PTGIS: variants seen among roughly 807,000 people sequenced by gnomAD.
The protein encoded by PTGIS is prostaglandin I2 synthase, also known as prostacyclin synthase.
A neutral mutation model predicts 50.3 loss-of-function variants in PTGIS; 45 were observed. That is an observed-to-expected ratio of 0.90 (90% CI 0.70 to 1.15). The LOEUF (loss-of-function observed/expected upper bound fraction) is 1.15. PTGIS is among the 50% of genes most tolerant of loss of function. The probability of loss-of-function intolerance (pLI) is 0.00; values close to 1 mark genes in which losing one functional copy is unlikely to be tolerated. For synonymous variants in PTGIS, 260 were observed against 267.7 expected, an observed-to-expected ratio of 0.97 and a Z score of 0.28; for missense variants, 668 against 661.3, an observed-to-expected ratio of 1.01 and a Z score of -0.11.
At chr20:49,541,512 A>G (rs1416502938) in intron 4 of PTGIS, among the ~76,000 whole-genome samples, 1 of 152,060 alleles carries the variant, frequency 6.6e-6, no homozygotes, top group Non-Finnish European at 1.5e-5. Context: ...TGGTTATATC[A>G]CCTGAGGTCA....
At position 49,513,142 on chromosome 20, in the gene PTGIS, G is replaced by A. The variant is rs767270070; in HGVS notation, c.1144C>T (p.Arg382Cys). 3.7e-6 allele frequency: 6 copies of A among 1,613,988 alleles called. No individual in the cohort carries two copies. The highest frequency in any genetic ancestry group is 1.7e-5 in the Admixed American group (1 of 60,002). Residue 382 changes from arginine (R) to cysteine (C), a missense_variant, in exon 8 of 10, where the codon CGC (arginine) becomes TGC (cysteine). By Grantham distance (180) the Arg-to-Cys change is radical (BLOSUM62 -3). Coordinates refer to ENST00000244043, the MANE Select transcript of PTGIS (RefSeq NM_000961.4). ...CTCAGGAAGGGGAAGAGGAGGAGGCGGTCACCACGTCGCAGGTTGAATTCT... is the reference window on the plus strand; with the variant it reads ...CTCAGGAAGGGGAAGAGGAGGAGGCAGTCACCACGTCGCAGGTTGAATTCT... ...GREFNLRRGD[R>C]LLLFPFLSPQ...
In PTGIS at chr20:49,538,022, C is replaced by T. The variant is rs186675014; in HGVS notation, c.673+1548G>A. On this transcript the variant is annotated intron_variant, in intron 5 of 9. Transcript: ENST00000244043. Reference sequence around the variant, plus strand: ...TAATCCCAACACTTTGGGAGACCAACGTGGGAGGATTGCTTGAGCCCAGGA... The same window carrying T: ...TAATCCCAACACTTTGGGAGACCAATGTGGGAGGATTGCTTGAGCCCAGGA... 2.5e-3 allele frequency among the ~76,000 whole-genome samples: 376 copies of T among 152,064 alleles called. 7 individuals carry two copies. Among genetic ancestry groups the T allele is most frequent in the African/African-American group, 5.0e-3 (207 of 41,480 alleles).
At chr20:49,523,793 G>A (rs955781893) in intron 6 of PTGIS, among the ~76,000 whole-genome samples, 5 of 152,090 alleles carry the variant, frequency 3.3e-5, no homozygotes, top group Non-Finnish European at 5.9e-5. Flanking sequence ...GAAAAAAAAA[G>A]AAAAGAATAC....
At chr20:49,553,321 G>A (rs1356154782) in intron 1 of PTGIS, among the ~76,000 whole-genome samples, 1 of 151,954 alleles carries the variant, frequency 6.6e-6, no homozygotes, top group East Asian at 1.9e-4. Context: ...GTTAAATCCT[G>A]AGTTATTGGC....
chr20:49,538,286 A>AG (rs1466880928), intron 5 of PTGIS, among the ~76,000 whole-genome samples: 2 of 146,246 alleles, frequency 1.4e-5, no homozygotes, highest in Non-Finnish European at 3.0e-5. Context: ...AAAAAAAAAA[A>AG]GGCATGCTGG....
intron 1 of PTGIS, among the ~76,000 whole-genome samples, chr20:49,567,147 A>AT (rs1342484996): frequency 2.6e-5 from 4 of 152,218 alleles, no homozygotes; most frequent in Non-Finnish European, 4.4e-5. Context: ...GGTCTTACCT[A>AT]TAACAGGATA....
At chr20:49,508,189 A>C (rs1225777495) in intron 9 of PTGIS, 125 bp from the exon 10 acceptor site, 3 of 1,149,002 alleles carry the variant, frequency 2.6e-6, no homozygotes, top group Admixed American at 3.9e-5. Context: ...TGAGGAGAGG[A>C]GTGAGGAAGT....
intron 1 of PTGIS, among the ~76,000 whole-genome samples, chr20:49,563,349 G>A (rs1982823398): frequency 6.6e-6 from 1 of 152,212 alleles, no homozygotes; most frequent in African/African-American, 2.4e-5. Context: ...TGCTACCACT[G>A]TGCATAAAAA....
chr20:49,519,643 A>T lies in PTGIS; in HGVS notation c.855+4415T>A, dbSNP rs116205759. Among the ~76,000 whole-genome samples the T allele has an allele frequency of 9.6e-3, 1,467 of 152,030 alleles. 26 individuals carry two copies. Among genetic ancestry groups the T allele is most frequent in the African/African-American group, 0.034 (1,398 of 41,456 alleles). ...AGCCTGGACCTCAAACTTGAACTCC[A>T]GACTCTCTTCTCCAGGTGTCCACTC... On this transcript the variant is annotated intron_variant, in intron 6 of 9. Coordinates refer to ENST00000244043, the MANE Select transcript of PTGIS (RefSeq NM_000961.4).
chr20:49,564,251 C>T (rs1226479233), intron 1 of PTGIS, among the ~76,000 whole-genome samples: 1 of 152,066 alleles, frequency 6.6e-6, no homozygotes, highest in Non-Finnish European at 1.5e-5. Context: ...AATATCATGA[C>T]ATCTAATTTT....
chr20:49,506,820 G>A lies in PTGIS; in HGVS notation c.*1100C>T, dbSNP rs5592. On this transcript the variant is annotated 3_prime_UTR_variant, in exon 10 of 10. Coordinates refer to ENST00000244043, the MANE Select transcript of PTGIS (RefSeq NM_000961.4). The stretch of plus-strand genomic sequence containing the variant: ...TCAGATGCCTTCAGGTCCAGGAGGC[G>A]CTGTGAATGCAGAAGCAGACCCGGT... The A allele has an allele frequency of 5.5e-3, 840 of 152,352 alleles. 3 individuals carry two copies. Among genetic ancestry groups the A allele is most frequent in the African/African-American group, 0.019 (800 of 41,560 alleles). The allele number at this position is 152,352 out of a possible 1,614,324, so 9.4% of individuals were successfully genotyped here.
chr20:49,532,775 C>G (rs1426127728), intron 5 of PTGIS, among the ~76,000 whole-genome samples: 1 of 152,170 alleles, frequency 6.6e-6, no homozygotes, highest in Non-Finnish European at 1.5e-5. Context: ...AACGAGATGA[C>G]CTTGGCCAAG....
At chr20:49,534,751 T>C (rs771163015) in intron 5 of PTGIS, among the ~76,000 whole-genome samples, 2 of 152,222 alleles carry the variant, frequency 1.3e-5, no homozygotes, top group African/African-American at 4.8e-5. Context: ...ATGGCAAGAT[T>C]TGATAAGCTC....
intron 1 of PTGIS, among the ~76,000 whole-genome samples, chr20:49,559,819 C>T (rs1982719303): frequency 6.6e-6 from 1 of 151,998 alleles, no homozygotes; most frequent in Non-Finnish European, 1.5e-5. Flanking sequence ...GGAGTGACTG[C>T]TAATGGGTAC....
chr20:49,548,102 C>T, intron 2 of PTGIS, 83 bp from the exon 3 acceptor site: 2 of 1,295,230 alleles, frequency 1.5e-6, no homozygotes, highest in South Asian at 2.4e-5. Flanking sequence ...TACTGTGTGC[C>T]AGGCACTGCC....
At chr20:49,547,763 A>G (rs1982398442) in intron 3 of PTGIS, 78 bp downstream of exon 3, 4 of 1,505,102 alleles carry the variant, frequency 2.7e-6, no homozygotes, top group Non-Finnish European at 3.7e-6. Flanking sequence ...CTTTGGAACC[A>G]AGAATAACTT....
At position 49,550,102 on chromosome 20, in the gene PTGIS, G is replaced by A; in HGVS notation, c.162C>T (p.Leu54=). Residue 54 remains leucine, a synonymous_variant, in exon 2 of 10, where the codon CTC becomes CTT. Coordinates refer to ENST00000244043, the MANE Select transcript of PTGIS (RefSeq NM_000961.4). The part of the protein sequence containing the change: ...LDFGKDAASF[L]TRMKEKHGDI... ...CACCGTGCTTCTCCTTCATCCTCGT[G>A]AGGAAGCTGGCAGCATCTTTTCCAA... 6.2e-7 allele frequency: 1 copy of A among 1,614,206 alleles called. No individual in the cohort carries two copies. Among genetic ancestry groups the A allele is most frequent in the Non-Finnish European group, 8.5e-7 (1 of 1,180,036 alleles).
In PTGIS at chr20:49,505,738, T is replaced by C. The variant is rs1361140002; in HGVS notation, c.*2182A>G. Reference sequence around the variant, plus strand: ...CCCACTGGAGGCTGCCAGCTCTGATTTCCTGCAGAGTTAAGAAGGAGGCGG... The same window carrying C: ...CCCACTGGAGGCTGCCAGCTCTGATCTCCTGCAGAGTTAAGAAGGAGGCGG... On this transcript the variant is annotated 3_prime_UTR_variant, in exon 10 of 10. Transcript: ENST00000244043. 6.6e-6 allele frequency: 1 copy of C among 152,612 alleles called. No homozygotes were observed. Among genetic ancestry groups the C allele is most frequent in the Non-Finnish European group, 1.5e-5 (1 of 68,050 alleles). 9.5% of individuals were successfully genotyped at this position (152,612 alleles called of 1,614,324 possible). A position where few individuals can be genotyped will look rare whatever the true frequency, so the allele number is the denominator to read the frequency against.
intron 9 of PTGIS, among the ~76,000 whole-genome samples, chr20:49,510,207 CAAGGTGATTTT>C (rs1002614973): frequency 6.6e-6 from 1 of 151,982 alleles, no homozygotes; most frequent in African/African-American, 2.4e-5. Context: ...TTTCACACAG[CAAGGTGATTTT>C]AAGGAATGCA....
Sources: gnomAD v4.1 joint callset for allele counts (sites outside exome capture counted in the v4.1 genomes callset) on GRCh38, gnomAD v4.1.1 for gene constraint, MANE v1.5 for transcripts, NCBI Gene and HGNC (gene_info 2026-07-23, HGNC 2026-07-21) for gene names.